The following PTPN9 variants were observed in gnomAD, a reference collection of about 807,000 sequenced individuals.
PTPN9 encodes the protein tyrosine-protein phosphatase non-receptor type 9.
A neutral mutation model predicts 69.8 loss-of-function variants in PTPN9; 26 were observed. That is an observed-to-expected ratio of 0.37 (90% CI 0.27 to 0.52). PTPN9 has a LOEUF of 0.52. Among genes scored for constraint, PTPN9 ranks in the 20% least tolerant of loss-of-function variants. PTPN9 has a pLI of 0.91. For synonymous variants in PTPN9, 274 were observed against 272.5 expected, an observed-to-expected ratio of 1.01 and a Z score of -0.05; for missense variants, 549 against 740.3, an observed-to-expected ratio of 0.74 and a Z score of 3.00.
At chr15:75,516,004 A>C (rs539981971) in intron 5 of PTPN9, among the ~76,000 whole-genome samples, 1 of 152,278 alleles carries the variant, frequency 6.6e-6, no homozygotes, top group East Asian at 1.9e-4. Context: ...TTTCATTAGA[A>C]GAGGAATTAT....
chr15:75,466,835 G>A lies in PTPN9; in HGVS notation c.*1934C>T, dbSNP rs1379737892. ...AATGAGAAAGGGGTGCACAGGAGAAGGGAGAGAAGATAATATCTCACTGAA... is the reference window on the plus strand; with the variant it reads ...AATGAGAAAGGGGTGCACAGGAGAAAGGAGAGAAGATAATATCTCACTGAA... On this transcript the variant is annotated 3_prime_UTR_variant, in exon 13 of 13. Coordinates refer to ENST00000618819, the MANE Select transcript of PTPN9 (RefSeq NM_002833.4). 1 of 152,218 alleles carries A rather than the reference G, an allele frequency of 6.6e-6. No individual in the cohort carries two copies. The highest frequency in any genetic ancestry group is 1.5e-5 in the Non-Finnish European group (1 of 68,044). 9.4% of individuals were successfully genotyped at this position (152,218 alleles called of 1,614,324 possible). A position where few individuals can be genotyped will look rare whatever the true frequency, so the allele number is the denominator to read the frequency against.
chr15:75,559,861 T>G (rs993845917), intron 1 of PTPN9, among the ~76,000 whole-genome samples: 3 of 151,874 alleles, frequency 2.0e-5, no homozygotes, highest in Non-Finnish European at 4.4e-5. Flanking sequence ...ACTTTCTCAC[T>G]GGGCACGATG....
chr15:75,537,293 A>G (rs950869625), intron 1 of PTPN9, among the ~76,000 whole-genome samples: 2 of 144,266 alleles, frequency 1.4e-5, no homozygotes, highest in African/African-American at 2.6e-5. Flanking sequence ...CTGAGGTTGC[A>G]GTGAGCCGAG....
chr15:75,576,239 A>C (rs1040584608), intron 1 of PTPN9, among the ~76,000 whole-genome samples: 2 of 150,942 alleles, frequency 1.3e-5, no homozygotes, highest in Non-Finnish European at 2.9e-5. Context: ...AAAAAACAAA[A>C]GGGTACTTCT....
At chr15:75,490,919 C>T (rs564758960) in intron 7 of PTPN9, among the ~76,000 whole-genome samples, 1 of 152,208 alleles carries the variant, frequency 6.6e-6, no homozygotes, top group South Asian at 2.1e-4. Flanking sequence ...GCCACTGCGC[C>T]CTGCCTAATG....
chr15:75,493,589 G>A (rs1176046351), intron 7 of PTPN9, among the ~76,000 whole-genome samples: 8 of 151,810 alleles, frequency 5.3e-5, no homozygotes, highest in Non-Finnish European at 1.2e-4. Flanking sequence ...GTTGAAACTC[G>A]TCTCTACTAA....
intron 10 of PTPN9, among the ~76,000 whole-genome samples, chr15:75,472,099 A>G (rs2074569953): frequency 6.6e-6 from 1 of 152,210 alleles, no homozygotes; most frequent in South Asian, 2.1e-4. Flanking sequence ...TTCCTTCCTC[A>G]TCTGAAATAG....
At chr15:75,517,219 A>G in intron 5 of PTPN9, 40 bp downstream of exon 5, 1 of 1,406,822 alleles carries the variant, frequency 7.1e-7, no homozygotes, top group Middle Eastern at 1.8e-4. Flanking sequence ...ATATATCCCA[A>G]GCATTGAAGG....
At chr15:75,512,767 C>T (rs570055817) in intron 5 of PTPN9, 31 of 265,362 alleles carry the variant, frequency 1.2e-4, no homozygotes, top group Non-Finnish European at 2.0e-4. Context: ...CCAGAAAAGA[C>T]GCTATTCTCT....
Position 75,517,215 on chromosome 15 carries a change from C to G in PTPN9, c.528+44G>C, listed in dbSNP as rs1321028373. 5 of 1,378,890 alleles carry G rather than the reference C, an allele frequency of 3.6e-6. No individual in the cohort carries two copies. The African/African-American group carries it at 4.4e-5, about 12-fold the overall frequency. The allele number at this position is 1,378,890 out of a possible 1,614,324, so 85.4% of individuals were successfully genotyped here. A position where few individuals can be genotyped will look rare whatever the true frequency, so the allele number is the denominator to read the frequency against. ...CAAAGAATTAAAAAAATATATATAT[C>G]CCAAGCATTGAAGGAAACTTGAGAG... On this transcript the variant is annotated intron_variant, in intron 5 of 12. Coordinates refer to ENST00000618819, the MANE Select transcript of PTPN9 (RefSeq NM_002833.4).
intron 5 of PTPN9, chr15:75,513,525 G>A (rs747428659): frequency 8.8e-4 from 359 of 406,600 alleles, no homozygotes; most frequent in Non-Finnish European, 1.5e-3. Context: ...CCAGGACTTT[G>A]AGAGGCCAAG....
intron 7 of PTPN9, among the ~76,000 whole-genome samples, chr15:75,492,926 G>A (rs2074719148): frequency 6.6e-6 from 1 of 152,000 alleles, no homozygotes; most frequent in South Asian, 2.1e-4. Context: ...GGCCAAGGTG[G>A]GAGGATCACT....
chr15:75,519,353 C>T (rs933073633), intron 4 of PTPN9, among the ~76,000 whole-genome samples: 8 of 152,128 alleles, frequency 5.3e-5, no homozygotes, highest in South Asian at 2.1e-4. Context: ...GATCCACCCA[C>T]GTCGGCCTCC....
rs1197737225 is a variant in PTPN9, at chr15:75,466,110, A to G, written c.*2659T>C. On this transcript the variant is annotated 3_prime_UTR_variant, in exon 13 of 13. Coordinates refer to ENST00000618819, the MANE Select transcript of PTPN9 (RefSeq NM_002833.4). ...TAGAGGAAGTCTAGTGTAAGAGGTG[A>G]AAGAAGATACTTTGGAGTCAGATGG... 2 of 152,240 alleles carry G rather than the reference A, an allele frequency of 1.3e-5. No individual in the cohort carries two copies. Among genetic ancestry groups the G allele is most frequent in the African/African-American group, 2.4e-5 (1 of 41,460 alleles). 9.4% of individuals were successfully genotyped at this position (152,240 alleles called of 1,614,324 possible). A position where few individuals can be genotyped will look rare whatever the true frequency, so the allele number is the denominator to read the frequency against.
In PTPN9 at chr15:75,463,299, A is replaced by C. The variant is rs1171570461; in HGVS notation, c.*5470T>G. The C allele has an allele frequency of 6.6e-6, 1 of 152,220 alleles. No individual in the cohort carries two copies. The highest frequency in any genetic ancestry group is 2.4e-5 in the African/African-American group (1 of 41,446). 9.4% of individuals were successfully genotyped at this position (152,220 alleles called of 1,614,324 possible). On this transcript the variant is annotated 3_prime_UTR_variant, in exon 13 of 13. Coordinates refer to ENST00000618819, the MANE Select transcript of PTPN9 (RefSeq NM_002833.4). Reference sequence around the variant, plus strand: ...TTAAAAATACATTTTTTCACAGAAGAAAATTCATTAAAAGTCAAGAAAGAG... The same window carrying C: ...TTAAAAATACATTTTTTCACAGAAGCAAATTCATTAAAAGTCAAGAAAGAG...
intron 4 of PTPN9, among the ~76,000 whole-genome samples, chr15:75,518,537 G>C (rs980170850): frequency 6.6e-6 from 1 of 151,776 alleles, no homozygotes; most frequent in Non-Finnish European, 1.5e-5. Flanking sequence ...GTAAGCCATG[G>C]CTGGGTGTGG....
At chr15:75,545,665 C>G (rs1373819645) in intron 1 of PTPN9, among the ~76,000 whole-genome samples, 1 of 152,152 alleles carries the variant, frequency 6.6e-6, no homozygotes, top group Non-Finnish European at 1.5e-5. Context: ...TATGGCCAGG[C>G]GCGGTGGCTC....
intron 8 of PTPN9, among the ~76,000 whole-genome samples, chr15:75,484,532 CTT>C (rs1240137425): frequency 1.3e-5 from 2 of 152,208 alleles, no homozygotes; most frequent in Non-Finnish European, 2.9e-5. Flanking sequence ...TGTCCTCAGT[CTT>C]AATTACTTCA....
intron 10 of PTPN9, among the ~76,000 whole-genome samples, chr15:75,473,345 G>A (rs1246657685): frequency 6.6e-6 from 1 of 152,058 alleles, no homozygotes; most frequent in African/African-American, 2.4e-5. Context: ...TGCCTCCTGG[G>A]TTCAAGTGAT....
Sources: allele counts gnomAD v4.1 joint callset (sites outside exome capture counted in the v4.1 genomes callset), GRCh38; gene constraint gnomAD v4.1.1; transcripts MANE v1.5; gene names NCBI Gene and HGNC (gene_info 2026-07-23, HGNC 2026-07-21).